Variants in RBFOX1 observed in about 807,000 individuals in gnomAD.
The protein encoded by RBFOX1 is RNA binding fox-1 homolog 1, also known as RNA binding protein fox-1 homolog 1.
In RBFOX1, 8 loss-of-function variants were observed where a neutral mutation model predicts 57.7. The ratio of observed to expected loss-of-function variants is 0.14; its 90% CI spans 0.08 to 0.25. The LOEUF is 0.25. RBFOX1 is among the 10% of genes least tolerant of loss of function. The pLI, the probability that RBFOX1 is intolerant of heterozygous loss-of-function variation, is 1.00. For synonymous variants in RBFOX1, 326 were observed against 222.4 expected (o/e 1.47, Z -4.15); for missense variants, 611 against 548.5 (o/e 1.11, Z -1.14).
chr16:6,558,174 T>C (rs1253232767), intron 2 of RBFOX1, among the ~76,000 whole-genome samples: 2 of 152,176 alleles, frequency 1.3e-5, no homozygotes, highest in East Asian at 1.9e-4. Context: ...AGGAGTGCGA[T>C]AGAGCTGGAG....
At chr16:7,684,188 C>T (rs1568444908) in intron 14 of RBFOX1, among the ~76,000 whole-genome samples, 1 of 152,064 alleles carries the variant, frequency 6.6e-6, no homozygotes, top group African/African-American at 2.4e-5. Flanking sequence ...GTAGTACATG[C>T]ATGTAAGCAG....
At chr16:7,670,539 G>A (rs780145250) in intron 13 of RBFOX1, among the ~76,000 whole-genome samples, 8 of 152,058 alleles carry the variant, frequency 5.3e-5, no homozygotes, top group Non-Finnish European at 1.2e-4. Flanking sequence ...AGCATAACGG[G>A]GTGGTTAGAC....
At chr16:6,316,225 A>G (rs943319382) in intron 1 of RBFOX1, among the ~76,000 whole-genome samples, 2 of 151,848 alleles carry the variant, frequency 1.3e-5, no homozygotes, top group South Asian at 2.1e-4. Flanking sequence ...ATCTACCAGA[A>G]CTCTTGATTT....
At chr16:5,895,072 G>C (rs1230039548) in intron 4 of RBFOX1, among the ~76,000 whole-genome samples, 1 of 150,168 alleles carries the variant, frequency 6.7e-6, no homozygotes, top group Non-Finnish European at 1.5e-5. Context: ...CACAAGTACT[G>C]AACTCTGAGA....
Position 6,097,157 on chromosome 16 carries a change from T to C in RBFOX1, c.-127+77165T>C, listed in dbSNP as rs1278270866. On this transcript the variant is annotated intron_variant, in intron 1 of 15. Transcript: ENST00000550418. The surrounding 1 kb of genome is among the most constrained non-coding windows in gnomAD (Gnocchi z 5.0). ...CACTTCGTTCTTATATTCTTTCCTG[T>C]CTGCTGCCTTGTAAGACGTGACTTT... 3.3e-5 allele frequency among the ~76,000 whole-genome samples: 5 copies of C among 152,192 alleles called. No individual in the cohort carries two copies. Among genetic ancestry groups the C allele is most frequent in the Non-Finnish European group, 5.9e-5 (4 of 68,036 alleles).
At chr16:6,772,860 G>C (rs1396647149) in intron 3 of RBFOX1, among the ~76,000 whole-genome samples, 20 of 149,438 alleles carry the variant, frequency 1.3e-4, no homozygotes, top group African/African-American at 4.7e-4. Flanking sequence ...GGATGCATTT[G>C]TGTGTGTGTG....
intron 3 of RBFOX1, among the ~76,000 whole-genome samples, chr16:5,701,146 C>CA (rs2151482051): frequency 6.6e-6 from 1 of 152,232 alleles, no homozygotes; most frequent in East Asian, 1.9e-4. Flanking sequence ...CCAAATAAAT[C>CA]AATCTTAAGT....
chr16:7,185,173 C>G (rs1216512947), intron 4 of RBFOX1, among the ~76,000 whole-genome samples: 1 of 150,388 alleles, frequency 6.6e-6, no homozygotes, highest in African/African-American at 2.5e-5. Flanking sequence ...AGAATAAGTG[C>G]TTGATAAATT....
intron 14 of RBFOX1, among the ~76,000 whole-genome samples, chr16:7,698,867 T>C (rs1314267986): frequency 6.6e-6 from 1 of 152,174 alleles, no homozygotes; most frequent in Non-Finnish European, 1.5e-5. Flanking sequence ...GCAATAACAA[T>C]ACCCTATAAA....
intron 4 of RBFOX1, among the ~76,000 whole-genome samples, chr16:7,361,878 G>A (rs944881066): frequency 6.6e-6 from 1 of 151,302 alleles, no homozygotes; most frequent in Non-Finnish European, 1.5e-5. Context: ...CGTGTGTTTT[G>A]TGTATATGTT....
At chr16:7,203,200 A>G (rs2089082102) in intron 4 of RBFOX1, among the ~76,000 whole-genome samples, 1 of 152,250 alleles carries the variant, frequency 6.6e-6, no homozygotes, top group African/African-American at 2.4e-5. Flanking sequence ...ACAATGGAAT[A>G]TTATTCAACC....
rs150048481 is a variant in RBFOX1 at position 6,575,705 on chromosome 16, G to T, written c.-63-78898G>T. Among the ~76,000 whole-genome samples, 23 of 151,924 alleles carry T rather than the reference G, an allele frequency of 1.5e-4. No homozygotes were observed. The East Asian group carries it at 2.7e-3, about 18-fold the overall frequency. On this transcript the variant is annotated intron_variant, in intron 2 of 15. Coordinates refer to ENST00000550418, the MANE Select transcript of RBFOX1 (RefSeq NM_018723.4). The stretch of plus-strand genomic sequence containing the variant: ...AAACACTGTCTGTACTAAAAGTACA[G>T]AAATTAACTGGTGTGGTAGCAGACG...
intron 4 of RBFOX1, among the ~76,000 whole-genome samples, chr16:7,184,474 GT>G (rs1221696266): frequency 1.3e-5 from 2 of 152,220 alleles, no homozygotes; most frequent in East Asian, 3.8e-4. Flanking sequence ...TTGCATGCAT[GT>G]TTTTACCTCC....
intron 3 of RBFOX1, among the ~76,000 whole-genome samples, chr16:5,792,704 A>G (rs2054743190): frequency 2.6e-5 from 4 of 152,120 alleles, no homozygotes; most frequent in Admixed American, 2.0e-4. Context: ...CTAGCCGGGC[A>G]TGGTGGCATG....
intron 3 of RBFOX1, among the ~76,000 whole-genome samples, chr16:6,923,840 T>C (rs1256627466): frequency 6.6e-6 from 1 of 152,114 alleles, no homozygotes; most frequent in Admixed American, 6.6e-5. Context: ...TGACTGAACC[T>C]CTTTGAGTGT....
intron 3 of RBFOX1, among the ~76,000 whole-genome samples, chr16:6,874,563 C>G (rs1022912876): frequency 4.0e-5 from 6 of 149,126 alleles, no homozygotes; most frequent in Admixed American, 4.0e-4. Context: ...TCGCAACAAC[C>G]TGGATGGAGT....
chr16:7,005,258 C>A (rs1015878595), intron 3 of RBFOX1, among the ~76,000 whole-genome samples: 1 of 152,196 alleles, frequency 6.6e-6, no homozygotes, highest in Non-Finnish European at 1.5e-5. Context: ...TTTCCCCTTA[C>A]CTTTCAAGAG....
intron 3 of RBFOX1, among the ~76,000 whole-genome samples, chr16:5,697,740 G>A (rs1436063753): frequency 2.0e-5 from 3 of 151,816 alleles, no homozygotes; most frequent in Non-Finnish European, 4.4e-5. Flanking sequence ...CTGCATATTG[G>A]CCAGGCTGGT....
chr16:7,597,438 A>T lies in RBFOX1; in HGVS notation c.622+7A>T. The T allele has an allele frequency of 6.3e-7, 1 of 1,595,352 alleles. No homozygotes were observed. Among genetic ancestry groups the T allele is most frequent in the Non-Finnish European group, 8.6e-7 (1 of 1,166,654 alleles). Reference sequence around the variant, plus strand: ...GTCAACCCTTATACAAATGGTAAGTAGAGATTGGCCTTTTACAAGAAATTC... The same window carrying T: ...GTCAACCCTTATACAAATGGTAAGTTGAGATTGGCCTTTTACAAGAAATTC... On this transcript the variant is annotated splice_region_variant and intron_variant, in intron 9 of 15. Coordinates refer to ENST00000550418, the MANE Select transcript of RBFOX1 (RefSeq NM_018723.4).
Sources: allele counts gnomAD v4.1 joint callset (sites outside exome capture counted in the v4.1 genomes callset), GRCh38; gene constraint gnomAD v4.1.1; non-coding constraint Gnocchi (gnomAD v3.1); transcripts MANE v1.5; gene names NCBI Gene and HGNC (gene_info 2026-07-23, HGNC 2026-07-21).